ARHGAP24: variants seen among roughly 807,000 people sequenced by gnomAD.
ARHGAP24 encodes rho GTPase-activating protein 24.
ARHGAP24 carries 50 observed loss-of-function variants against 76.4 expected under a neutral mutation model. The observed-to-expected ratio is 0.65, with a 90% CI of 0.52 to 0.83. The LOEUF (loss-of-function observed/expected upper bound fraction) is 0.83, where lower values mean the gene tolerates loss of function less well. Among genes scored for constraint, ARHGAP24 ranks in the 40% least tolerant of loss-of-function variants. ARHGAP24 has a pLI of 0.00. For synonymous variants in ARHGAP24, 345 were observed against 323.3 expected (o/e 1.07, Z -0.72); for missense variants, 930 against 914.2 (o/e 1.02, Z -0.22).
intron 2 of ARHGAP24, among the ~76,000 whole-genome samples, chr4:85,646,947 C>T (rs1298415024): frequency 6.6e-6 from 1 of 152,026 alleles, no homozygotes; most frequent in Non-Finnish European, 1.5e-5. Context: ...CTGCCATATA[C>T]ATATTCATAA....
chr4:85,655,788 T>TAGAGAG (rs1296201189), intron 2 of ARHGAP24, among the ~76,000 whole-genome samples: 12 of 49,534 alleles, frequency 2.4e-4, no homozygotes, highest in Non-Finnish European at 2.7e-4. Context: ...TATATATATA[T>TAGAGAG]ATATAGAGAG....
At chr4:85,655,792 T>TAGAGAG (rs1248907720) in intron 2 of ARHGAP24, among the ~76,000 whole-genome samples, 15 of 37,656 alleles carry the variant, frequency 4.0e-4, no homozygotes, top group African/African-American at 9.8e-4. Flanking sequence ...TATATATATA[T>TAGAGAG]AGAGAGAGAG....
chr4:85,558,370 T>G (rs1252509091), intron 1 of ARHGAP24, among the ~76,000 whole-genome samples: 1 of 152,244 alleles, frequency 6.6e-6, no homozygotes, highest in African/African-American at 2.4e-5. Context: ...ATTAAATGTA[T>G]TCAGGTGCAG....
chr4:85,541,377 T>A (rs1725695400), intron 1 of ARHGAP24, among the ~76,000 whole-genome samples: 2 of 144,758 alleles, frequency 1.4e-5, no homozygotes, highest in African/African-American at 5.7e-5. Flanking sequence ...ATGGTCTTGA[T>A]CTCCTGACCT....
chr4:85,739,239 A>T (rs914011812), intron 3 of ARHGAP24, among the ~76,000 whole-genome samples: 16 of 152,070 alleles, frequency 1.1e-4, no homozygotes, highest in African/African-American at 3.4e-4. Flanking sequence ...ATTTGAGTCT[A>T]CCCAGAACCC....
chr4:85,805,440 G>A (rs545222411), intron 3 of ARHGAP24, among the ~76,000 whole-genome samples: 1 of 152,174 alleles, frequency 6.6e-6, no homozygotes, highest in East Asian at 1.9e-4. Context: ...GCACAAATCT[G>A]CCATTAACAA....
chr4:85,708,134 G>C (rs576989268), intron 2 of ARHGAP24, among the ~76,000 whole-genome samples: 1 of 151,926 alleles, frequency 6.6e-6, no homozygotes, highest in Non-Finnish European at 1.5e-5. Context: ...TTCAGGCCTC[G>C]TTTATTCTTC....
At chr4:85,599,081 A>C (rs1419428232) in intron 2 of ARHGAP24, among the ~76,000 whole-genome samples, 4 of 152,160 alleles carry the variant, frequency 2.6e-5, no homozygotes, top group Admixed American at 2.0e-4. Context: ...TCACATACTC[A>C]ATAACCACTT....
intron 1 of ARHGAP24, among the ~76,000 whole-genome samples, chr4:85,527,121 C>A (rs1725037466): frequency 1.3e-5 from 2 of 152,004 alleles, no homozygotes; most frequent in African/African-American, 4.8e-5. Flanking sequence ...ATGGAAATAC[C>A]AAGTTACATT....
chr4:86,000,526 A>T lies in ARHGAP24; in HGVS notation c.2051A>T (p.His684Leu), dbSNP rs200065783. ...LTLETEMMSL[H>L]DELDQERKKF... is the part of the protein sequence containing the mutation. The stretch of plus-strand genomic sequence containing the variant: ...TTGGAAACAGAAATGATGAGCCTCC[A>T]TGATGAACTGGATCAGGAGAGGAAA... The change falls in exon 10 of 10, where the codon CAT (histidine) becomes CTT (leucine). Residue 684 changes from histidine (H) to leucine (L), a missense_variant. Physicochemically the swap from His to Leu is moderately conservative, Grantham distance 99. Coordinates refer to ENST00000395184, the MANE Select transcript of ARHGAP24 (RefSeq NM_001025616.3). 4 of 1,596,552 alleles carry T rather than the reference A, an allele frequency of 2.5e-6. No homozygotes were observed. Among genetic ancestry groups the T allele is most frequent in the Non-Finnish European group, 3.4e-6 (4 of 1,172,796 alleles).
chr4:85,775,973 G>C (rs575119331), intron 3 of ARHGAP24, among the ~76,000 whole-genome samples: 23 of 152,164 alleles, frequency 1.5e-4, no homozygotes, highest in Non-Finnish European at 3.1e-4. Context: ...AGAATGAACT[G>C]TGAGAGGTGT....
intron 3 of ARHGAP24, among the ~76,000 whole-genome samples, chr4:85,741,981 A>G (rs1725843351): frequency 6.6e-6 from 1 of 152,204 alleles, no homozygotes; most frequent in South Asian, 2.1e-4. Context: ...TTATGGAAAA[A>G]GTGACAGTGA....
chr4:85,729,169 A>AT (rs924920690), intron 3 of ARHGAP24, among the ~76,000 whole-genome samples: 173 of 148,716 alleles, frequency 1.2e-3, no homozygotes, highest in Admixed American at 2.6e-3. Context: ...TGAAGCTTGT[A>AT]TTTTTTTTTT....
chr4:85,993,183 A>T (rs11944789), intron 8 of ARHGAP24, among the ~76,000 whole-genome samples: 6,825 of 152,226 alleles, frequency 0.045, 542 homozygotes, highest in African/African-American at 0.16. Flanking sequence ...GGGGATTCTG[A>T]TTCAGAAGCT....
intron 2 of ARHGAP24, among the ~76,000 whole-genome samples, chr4:85,621,544 G>T (rs893816579): frequency 6.6e-6 from 1 of 151,792 alleles, no homozygotes; most frequent in African/African-American, 2.4e-5. Flanking sequence ...TCATATGTTT[G>T]TTGGCCACTT....
At chr4:85,702,879 G>T (rs1180209767) in intron 2 of ARHGAP24, among the ~76,000 whole-genome samples, 1 of 151,650 alleles carries the variant, frequency 6.6e-6, no homozygotes, top group Admixed American at 6.6e-5. Flanking sequence ...CCATGAAGGG[G>T]TCTGAGAAAT....
intron 3 of ARHGAP24, among the ~76,000 whole-genome samples, chr4:85,856,188 G>C (rs1032720407): frequency 6.6e-6 from 1 of 151,880 alleles, no homozygotes; most frequent in Non-Finnish European, 1.5e-5. Flanking sequence ...ATTGTGGTTT[G>C]AATTCACATT....
chr4:85,507,761 A>G (rs919407388), intron 1 of ARHGAP24, among the ~76,000 whole-genome samples: 1 of 152,168 alleles, frequency 6.6e-6, no homozygotes, highest in African/African-American at 2.4e-5. Flanking sequence ...TTTCATTATT[A>G]CTTGTAGGGA....
chr4:85,934,799 G>A (rs575274160), intron 4 of ARHGAP24, among the ~76,000 whole-genome samples: 46 of 152,190 alleles, frequency 3.0e-4, no homozygotes, highest in Non-Finnish European at 6.5e-4. Context: ...ATAGGCGCAA[G>A]CCACCTCGCC....
Sources: gnomAD v4.1 joint callset for allele counts (sites outside exome capture counted in the v4.1 genomes callset) on GRCh38, gnomAD v4.1.1 for gene constraint, MANE v1.5 for transcripts, NCBI Gene and HGNC (gene_info 2026-07-23, HGNC 2026-07-21) for gene names.